CCSER1: variants seen among roughly 807,000 people sequenced by gnomAD.
CCSER1 encodes the protein coiled-coil serine rich protein 1.
CCSER1 carries 41 observed loss-of-function variants against 82.0 expected under a neutral mutation model. The ratio of observed to expected loss-of-function variants is 0.50; its 90% CI spans 0.39 to 0.65. The LOEUF is 0.65. Among genes scored for constraint, CCSER1 ranks in the 30% least tolerant of loss-of-function variants. The pLI is 0.00. For synonymous variants in CCSER1, 414 were observed against 383.9 expected, an observed-to-expected ratio of 1.08 and a Z score of -0.92; for missense variants, 1,119 against 1,064.2, an observed-to-expected ratio of 1.05 and a Z score of -0.72.
At chr4:91,174,299 T>C (rs1306446377) in intron 10 of CCSER1, among the ~76,000 whole-genome samples, 1 of 152,102 alleles carries the variant, frequency 6.6e-6, no homozygotes, top group African/African-American at 2.4e-5. Context: ...TTTTGTATTA[T>C]TATAATATTA....
At chr4:90,555,911 G>A (rs72885100) in intron 5 of CCSER1, among the ~76,000 whole-genome samples, 3,697 of 152,002 alleles carry the variant, frequency 0.024, 158 homozygotes, top group African/African-American at 0.084. Flanking sequence ...GTTATTTTGC[G>A]TTACACTAAA....
chr4:90,832,326 T>C (rs72663649), intron 8 of CCSER1, among the ~76,000 whole-genome samples: 16,391 of 152,074 alleles, frequency 0.11, 991 homozygotes, highest in African/African-American at 0.15. Flanking sequence ...AGATAGAACA[T>C]GTGATGATAG....
At chr4:91,461,182 A>G (rs1304342395) in intron 10 of CCSER1, among the ~76,000 whole-genome samples, 1 of 152,210 alleles carries the variant, frequency 6.6e-6, no homozygotes, top group Non-Finnish European at 1.5e-5. Flanking sequence ...TGGCTAAAAC[A>G]CAGAAATACT....
intron 9 of CCSER1, among the ~76,000 whole-genome samples, chr4:91,070,578 C>T (rs1448185191): frequency 6.6e-6 from 1 of 152,140 alleles, no homozygotes; most frequent in Non-Finnish European, 1.5e-5. Context: ...GCATTACTGC[C>T]TGACATCTGC....
At chr4:90,661,607 C>T (rs1228669358) in intron 6 of CCSER1, among the ~76,000 whole-genome samples, 2 of 152,124 alleles carry the variant, frequency 1.3e-5, no homozygotes, top group Non-Finnish European at 2.9e-5. Context: ...TAAAGGAGAA[C>T]CTCCCTGGGC....
intron 8 of CCSER1, among the ~76,000 whole-genome samples, chr4:90,887,983 A>T: frequency 6.6e-6 from 1 of 152,192 alleles, no homozygotes. Context: ...AAAAGCAAAA[A>T]TGTAGTGGGT....
At chr4:90,714,248 T>C (rs1348746303) in intron 6 of CCSER1, among the ~76,000 whole-genome samples, 2 of 152,050 alleles carry the variant, frequency 1.3e-5, no homozygotes, top group African/African-American at 4.8e-5. Flanking sequence ...ATCTATTTAT[T>C]CGTTTATTCC....
At chr4:91,176,311 T>A (rs116732227) in intron 10 of CCSER1, among the ~76,000 whole-genome samples, 6 of 152,226 alleles carry the variant, frequency 3.9e-5, no homozygotes, top group African/African-American at 7.2e-5. Flanking sequence ...ATGTGGTCTC[T>A]TTTTTGGTTC....
chr4:90,842,519 CAGAAAG>C (rs1156860297), intron 8 of CCSER1, among the ~76,000 whole-genome samples: 1 of 152,030 alleles, frequency 6.6e-6, no homozygotes, highest in Non-Finnish European at 1.5e-5. Flanking sequence ...GCACTGGAGT[CAGAAAG>C]GGAAGGAGGA....
intron 1 of CCSER1, among the ~76,000 whole-genome samples, chr4:90,155,871 C>G (rs1220703834): frequency 6.9e-6 from 1 of 144,028 alleles, no homozygotes; most frequent in African/African-American, 2.6e-5. Flanking sequence ...TCTCTATTTC[C>G]TTCAGTTCTG....
intron 5 of CCSER1, among the ~76,000 whole-genome samples, chr4:90,612,153 A>C (rs1370626604): frequency 3.3e-5 from 5 of 152,152 alleles, no homozygotes; most frequent in Non-Finnish European, 4.4e-5. Flanking sequence ...ACAACAACAA[A>C]AAAATAAACT....
chr4:91,395,393 A>G (rs1392976484), intron 10 of CCSER1, among the ~76,000 whole-genome samples: 1 of 152,040 alleles, frequency 6.6e-6, no homozygotes, highest in Non-Finnish European at 1.5e-5. Flanking sequence ...AGTTTCTGGT[A>G]AAGAAGGAGT....
chr4:90,258,536 G>T (rs1723754553), intron 1 of CCSER1, among the ~76,000 whole-genome samples: 1 of 151,884 alleles, frequency 6.6e-6, no homozygotes. Context: ...AAATATCAAA[G>T]TGAAATATGT....
chr4:90,716,155 A>T (rs1163164486), intron 6 of CCSER1, among the ~76,000 whole-genome samples: 2 of 151,816 alleles, frequency 1.3e-5, no homozygotes, highest in African/African-American at 2.4e-5. Flanking sequence ...GTAGAAGGTT[A>T]TATAATACAT....
chr4:91,344,853 A>T (rs915567009), intron 10 of CCSER1, among the ~76,000 whole-genome samples: 2 of 152,180 alleles, frequency 1.3e-5, no homozygotes, highest in African/African-American at 2.4e-5. Flanking sequence ...AAAATAAATG[A>T]ATTATAAAGG....
chr4:90,802,038 T>G (rs1323267606), intron 7 of CCSER1, among the ~76,000 whole-genome samples: 1 of 151,676 alleles, frequency 6.6e-6, no homozygotes, highest in Non-Finnish European at 1.5e-5. Flanking sequence ...GCCAATATGG[T>G]GAAACCCTGC....
chr4:90,947,180 T>C (rs753183215), intron 9 of CCSER1, among the ~76,000 whole-genome samples: 2 of 152,194 alleles, frequency 1.3e-5, no homozygotes, highest in Non-Finnish European at 2.9e-5. Context: ...AATCAACATA[T>C]GCCTACAAGT....
intron 1 of CCSER1, among the ~76,000 whole-genome samples, chr4:90,257,689 G>C (rs1371050354): frequency 1.3e-5 from 2 of 152,112 alleles, no homozygotes; most frequent in Non-Finnish European, 2.9e-5. Flanking sequence ...TATGGAGGTT[G>C]GAAAATTCCA....
intron 9 of CCSER1, among the ~76,000 whole-genome samples, chr4:91,041,759 G>A (rs1741974381): frequency 6.6e-6 from 1 of 152,106 alleles, no homozygotes; most frequent in Non-Finnish European, 1.5e-5. Flanking sequence ...TTTAACTAAG[G>A]CACAACAACC....
Sources: allele counts gnomAD v4.1 joint callset (sites outside exome capture counted in the v4.1 genomes callset), GRCh38; gene constraint gnomAD v4.1.1; transcripts MANE v1.5; gene names NCBI Gene and HGNC (gene_info 2026-07-23, HGNC 2026-07-21).